ROBO1: variants seen among roughly 807,000 people sequenced by gnomAD.
ROBO1 encodes the protein roundabout guidance receptor 1.
A neutral mutation model predicts 195.9 loss-of-function variants in ROBO1; 149 were observed. The ratio of observed to expected loss-of-function variants is 0.76; its 90% CI spans 0.67 to 0.87. The LOEUF (loss-of-function observed/expected upper bound fraction) is 0.87, where lower values mean the gene tolerates loss of function less well. Among genes scored for constraint, ROBO1 ranks in the 40% least tolerant of loss-of-function variants. The pLI is 0.00. For missense variants in ROBO1, 1,933 were observed against 2,068.3 expected, an observed-to-expected ratio of 0.93 and a Z score of 1.27; for synonymous variants, 816 against 733.2, an observed-to-expected ratio of 1.11 and a Z score of -1.82.
intron 3 of ROBO1, among the ~76,000 whole-genome samples, chr3:78,968,642 GA>G (rs1268281584): frequency 2.6e-5 from 4 of 151,158 alleles, no homozygotes; most frequent in Non-Finnish European, 5.9e-5. Flanking sequence ...AGAAATTAAA[GA>G]ATCAAATTTG....
chr3:79,686,642 T>C (rs1947123336), intron 1 of ROBO1, among the ~76,000 whole-genome samples: 2 of 152,054 alleles, frequency 1.3e-5, no homozygotes, highest in South Asian at 4.1e-4. Flanking sequence ...ATAAAATACC[T>C]AGGAATCAAA....
intron 3 of ROBO1, among the ~76,000 whole-genome samples, chr3:79,028,450 G>A (rs1177713309): frequency 6.6e-6 from 1 of 151,804 alleles, no homozygotes. Context: ...TTAGATGAAT[G>A]TGTTAAAATA....
chr3:79,530,457 T>A (rs1256250801), intron 2 of ROBO1, among the ~76,000 whole-genome samples: 1 of 152,186 alleles, frequency 6.6e-6, no homozygotes, highest in Admixed American at 6.6e-5. Flanking sequence ...TCTGTCAAAA[T>A]GTACATTGAG....
At chr3:79,075,262 T>C (rs1169824269) in intron 3 of ROBO1, among the ~76,000 whole-genome samples, 1 of 151,902 alleles carries the variant, frequency 6.6e-6, no homozygotes, top group Non-Finnish European at 1.5e-5. Context: ...AAGGATTAAT[T>C]GAGGTGTCCT....
chr3:79,011,901 C>A (rs966081710), intron 3 of ROBO1, among the ~76,000 whole-genome samples: 2 of 151,880 alleles, frequency 1.3e-5, no homozygotes, highest in African/African-American at 4.8e-5. Context: ...ACTTTCTATA[C>A]AAACTGGGCA....
chr3:79,209,669 A>T (rs1025844862), intron 2 of ROBO1, among the ~76,000 whole-genome samples: 1 of 152,022 alleles, frequency 6.6e-6, no homozygotes, highest in Non-Finnish European at 1.5e-5. Flanking sequence ...ACATTGTTTT[A>T]TTTTTTAATT....
intron 8 of ROBO1, among the ~76,000 whole-genome samples, chr3:78,689,661 CTCTCT>C (rs1352459550): frequency 2.0e-5 from 3 of 152,100 alleles, no homozygotes; most frequent in Admixed American, 2.0e-4. Flanking sequence ...AATTATTCTC[CTCTCT>C]TGTCTCGGTT....
intron 2 of ROBO1, among the ~76,000 whole-genome samples, chr3:79,292,818 G>A (rs768222708): frequency 4.6e-5 from 7 of 152,152 alleles, no homozygotes; most frequent in Non-Finnish European, 8.8e-5. Flanking sequence ...ATTCATCCAG[G>A]ATATTGGGCT....
chr3:79,610,014 A>G (rs1035924131), intron 1 of ROBO1, among the ~76,000 whole-genome samples: 2 of 151,928 alleles, frequency 1.3e-5, no homozygotes, highest in Non-Finnish European at 2.9e-5. Context: ...TATGTTATAT[A>G]TATTTTATCA....
intron 2 of ROBO1, among the ~76,000 whole-genome samples, chr3:79,514,999 G>A (rs1940880902): frequency 6.6e-6 from 1 of 150,658 alleles, no homozygotes; most frequent in African/African-American, 2.5e-5. Flanking sequence ...TGAATGATTG[G>A]ACACAATTAT....
chr3:78,755,251 T>C (rs972607271), intron 4 of ROBO1, among the ~76,000 whole-genome samples: 1 of 152,144 alleles, frequency 6.6e-6, no homozygotes, highest in Non-Finnish European at 1.5e-5. Context: ...GAGGATGGCC[T>C]GAGCCCAGGA....
chr3:78,999,997 C>A (rs1287530630), intron 3 of ROBO1, among the ~76,000 whole-genome samples: 1 of 152,114 alleles, frequency 6.6e-6, no homozygotes, highest in East Asian at 1.9e-4. Context: ...TCATCATATT[C>A]TAATTATTCA....
intron 1 of ROBO1, among the ~76,000 whole-genome samples, chr3:79,619,096 A>C (rs1944918374): frequency 6.6e-6 from 1 of 152,000 alleles, no homozygotes; most frequent in African/African-American, 2.4e-5. Context: ...CTGGTGTCTG[A>C]TCACTGCAGA....
At chr3:78,787,886 C>G (rs927856982) in intron 4 of ROBO1, among the ~76,000 whole-genome samples, 1 of 149,104 alleles carries the variant, frequency 6.7e-6, no homozygotes, top group East Asian at 2.0e-4. Flanking sequence ...TATGATCACA[C>G]CATTGCATTT....
At chr3:79,342,888 C>A (rs2034964305) in intron 2 of ROBO1, among the ~76,000 whole-genome samples, 1 of 152,086 alleles carries the variant, frequency 6.6e-6, no homozygotes, top group Non-Finnish European at 1.5e-5. Context: ...TAGAATTCAG[C>A]TCTTGATATT....
intron 2 of ROBO1, among the ~76,000 whole-genome samples, chr3:79,464,617 T>A (rs1937849414): frequency 6.6e-6 from 1 of 152,080 alleles, no homozygotes; most frequent in Non-Finnish European, 1.5e-5. Context: ...GCATTTTAAG[T>A]ATTTTTTATA....
intron 2 of ROBO1, among the ~76,000 whole-genome samples, chr3:79,515,828 A>G (rs1166692772): frequency 6.6e-6 from 1 of 152,212 alleles, no homozygotes; most frequent in Middle Eastern, 3.2e-3. Context: ...GTTGGTATGT[A>G]GTCATTTTTA....
At chr3:79,579,236 T>C (rs1380342629) in intron 2 of ROBO1, among the ~76,000 whole-genome samples, 1 of 152,192 alleles carries the variant, frequency 6.6e-6, no homozygotes, top group Admixed American at 6.5e-5. Context: ...ATGTATTCTA[T>C]AATTCCAGTA....
At chr3:79,030,840 G>C (rs1454048080) in intron 3 of ROBO1, among the ~76,000 whole-genome samples, 1 of 152,116 alleles carries the variant, frequency 6.6e-6, no homozygotes, top group Non-Finnish European at 1.5e-5. Context: ...TCCTGCCTCA[G>C]CCTCCCAAGT....
Sources: allele counts gnomAD v4.1 joint callset (sites outside exome capture counted in the v4.1 genomes callset), GRCh38; gene constraint gnomAD v4.1.1; transcripts MANE v1.5; gene names NCBI Gene and HGNC (gene_info 2026-07-23, HGNC 2026-07-21).